Variants in INHBC observed in about 807,000 individuals in gnomAD.
The protein encoded by INHBC is inhibin beta C chain.
A neutral mutation model predicts 12.4 loss-of-function variants in INHBC; 10 were observed. The observed-to-expected ratio is 0.81, with a 90% CI of 0.50 to 1.37. INHBC has a LOEUF of 1.37. Ranked by LOEUF, INHBC falls within the 40% of genes most tolerant of loss-of-function variation. INHBC has a pLI of 0.00. For synonymous variants in INHBC, 147 were observed against 171.6 expected (o/e 0.86, Z 1.12); for missense variants, 382 against 439.4 (o/e 0.87, Z 1.17).
intron 1 of INHBC, among the ~76,000 whole-genome samples, chr12:57,446,911 G>C (rs1436131923): frequency 6.6e-6 from 1 of 152,126 alleles, no homozygotes; most frequent in Non-Finnish European, 1.5e-5. Flanking sequence ...GGAAGAAGGA[G>C]GGAGTGGTTA....
chr12:57,440,972 C>T (rs1218508683), intron 1 of INHBC, among the ~76,000 whole-genome samples: 1 of 152,104 alleles, frequency 6.6e-6, no homozygotes, highest in Non-Finnish European at 1.5e-5. Context: ...CTTTGGGAGG[C>T]CAGGGTGGGA....
At chr12:57,439,184 G>A (rs531321658) in intron 1 of INHBC, among the ~76,000 whole-genome samples, 78 of 152,204 alleles carry the variant, frequency 5.1e-4, no homozygotes, top group Non-Finnish European at 9.6e-4. Context: ...TACCTCCCAC[G>A]CACTTAACAT....
At chr12:57,440,681 A>G (rs1186667393) in intron 1 of INHBC, among the ~76,000 whole-genome samples, 1 of 152,140 alleles carries the variant, frequency 6.6e-6, no homozygotes, top group Non-Finnish European at 1.5e-5. Context: ...ATCGTAGGCA[A>G]CTAAAATATA....
chr12:57,448,593 A>T (rs1276815423), intron 1 of INHBC, among the ~76,000 whole-genome samples: 1 of 148,040 alleles, frequency 6.8e-6, no homozygotes, highest in African/African-American at 2.5e-5. Flanking sequence ...AAAAAAAATT[A>T]TGTTGCTTGA....
At chr12:57,444,630 A>T (rs1403829932) in intron 1 of INHBC, among the ~76,000 whole-genome samples, 1 of 151,366 alleles carries the variant, frequency 6.6e-6, no homozygotes, top group Non-Finnish European at 1.5e-5. Context: ...AGAGAGATGG[A>T]GGCAGAATTG....
At chr12:57,437,805 A>T (rs12368853) in intron 1 of INHBC, among the ~76,000 whole-genome samples, 15,697 of 102,280 alleles carry the variant, frequency 0.15, 1,131 homozygotes, top group Middle Eastern at 0.34. Flanking sequence ...TGTTTGTTTG[A>T]GATGGAGTCT....
chr12:57,436,884 A>G (rs1323699990), intron 1 of INHBC, among the ~76,000 whole-genome samples: 3 of 149,528 alleles, frequency 2.0e-5, no homozygotes, highest in Non-Finnish European at 3.0e-5. Flanking sequence ...AGCCAGGATG[A>G]TCTCGATCTC....
intron 1 of INHBC, among the ~76,000 whole-genome samples, chr12:57,448,247 C>T (rs1403794209): frequency 2.0e-5 from 3 of 151,926 alleles, no homozygotes; most frequent in Non-Finnish European, 2.9e-5. Context: ...CTGGTCTGGG[C>T]ATACAGATTT....
intron 1 of INHBC, among the ~76,000 whole-genome samples, chr12:57,447,878 A>T (rs1436215596): frequency 9.7e-5 from 7 of 72,330 alleles, no homozygotes; most frequent in African/African-American, 3.0e-4. Context: ...AAAAAAAAAA[A>T]AAAAAAAAAA....
rs764214549 is a variant in INHBC at position 57,449,337 on chromosome 12, G to A, written c.374G>A (p.Gly125Asp). The A allele has an allele frequency of 1.9e-6, 3 of 1,614,060 alleles. No individual in the cohort carries two copies. The highest frequency in any genetic ancestry group is 2.7e-5 in the African/African-American group (2 of 74,920). ...CACTTCTCCTCTGATAGAACTGCTG[G>A]TGACAGGGAGGTCCAGCAGGCCAGT... ...DFHFSSDRTA[G>D]DREVQQASLM... The change falls in exon 2 of 2, where the codon GGT (glycine) becomes GAT (aspartate). Residue 125 changes from glycine to aspartate, a missense_variant. Gly to Asp is a moderately conservative substitution (Grantham distance 94). Transcript: ENST00000309668.
Position 57,449,581 on chromosome 12 carries a change from C to T in INHBC, c.618C>T (p.Ala206=), listed in dbSNP as rs1340547674. ...AGCTGGTACTTGAAGGCCAGGTAGC[C>T]CAGAGCTCAGTCATCCTGGGTGGAG... The part of the protein sequence containing the change: ...TLELVLEGQV[A]QSSVILGGAA... The change falls in exon 2 of 2, where the codon GCC becomes GCT. Residue 206 remains alanine (A), a synonymous_variant. Transcript: ENST00000309668. The T allele has an allele frequency of 1.9e-6, 3 of 1,614,106 alleles. No individual in the cohort carries two copies. In the Admixed American group the frequency reaches 5.0e-5, roughly 27 times the overall value.
In INHBC at chr12:57,449,927, C is replaced by T. The variant is rs770509306; in HGVS notation, c.964C>T (p.Arg322Trp). ...GGGCTCATGCTGTGTACCCACGGCC[C>T]GGCGCCCCCTGTCTCTGCTCTATTA... is the stretch of plus-strand genomic sequence containing the variant. ...GGGSCCVPTA[R>W]RPLSLLYYDR... Residue 322 changes from arginine (R) to tryptophan (W), a missense_variant, in exon 2 of 2, where the codon CGG (arginine) becomes TGG (tryptophan). Coordinates refer to ENST00000309668, the MANE Select transcript of INHBC (RefSeq NM_005538.4). The T allele has an allele frequency of 1.4e-5, 23 of 1,593,600 alleles. No individual in the cohort carries two copies. The highest frequency in any genetic ancestry group is 1.4e-4 in the Admixed American group (8 of 57,524).
Position 57,434,866 on chromosome 12 carries a change from C to T in INHBC, c.-21C>T, listed in dbSNP as rs12826898. Reference sequence around the variant, plus strand: ...CCCTGAGCCCTGAGTCTGTATTGCTCAAGAAGGGCCTTCCCCAGCAATGAC... The same window carrying T: ...CCCTGAGCCCTGAGTCTGTATTGCTTAAGAAGGGCCTTCCCCAGCAATGAC... On this transcript the variant is annotated 5_prime_UTR_variant, in exon 1 of 2. Transcript: ENST00000309668. 2.5e-6 allele frequency: 4 copies of T among 1,592,668 alleles called. No individual in the cohort carries two copies. Among genetic ancestry groups the T allele is most frequent in the Non-Finnish European group, 3.4e-6 (4 of 1,167,716 alleles).
At position 57,447,916 on chromosome 12, in the gene INHBC, TATATATAA is replaced by T. The variant is rs377124265; in HGVS notation, c.314-1359_314-1352del. ...AAATATATATATATATATATATATA[TATATATAA>T]AATATATGTGTGTGTGCTTGTGTTT... On this transcript the variant is annotated intron_variant, in intron 1 of 1. Coordinates refer to ENST00000309668, the MANE Select transcript of INHBC (RefSeq NM_005538.4). Among the ~76,000 whole-genome samples the T allele has an allele frequency of 7.7e-3, 771 of 100,660 alleles. 14 individuals carry two copies. The highest frequency in any genetic ancestry group is 9.4e-3 in the Non-Finnish European group (483 of 51,224). The allele number at this position is 100,660 out of a possible 152,430, so 66.0% of individuals were successfully genotyped here.
chr12:57,449,550 C>G lies in INHBC; in HGVS notation c.587C>G (p.Thr196Ser), dbSNP rs775173563. Residue 196 changes from threonine to serine, a missense_variant, in exon 2 of 2, where the codon ACC (threonine) becomes AGC (serine). Thr to Ser is a moderately conservative substitution (Grantham distance 58). Transcript: ENST00000309668. ...GCTGCCTGCAGCCAGGGGCACCTGA[C>G]CCTGGAGCTGGTACTTGAAGGCCAG... ...AQAACSQGHLTLELVLEGQVA... is the reference protein window; with the variant it reads ...AQAACSQGHLSLELVLEGQVA... 1.2e-6 allele frequency: 2 copies of G among 1,614,212 alleles called. No homozygotes were observed. Among genetic ancestry groups the G allele is most frequent in the Non-Finnish European group, 1.7e-6 (2 of 1,180,042 alleles).
chr12:57,439,405 T>C (rs554273275), intron 1 of INHBC, among the ~76,000 whole-genome samples: 3 of 152,320 alleles, frequency 2.0e-5, no homozygotes, highest in South Asian at 4.1e-4. Context: ...ACCACTGCTC[T>C]CCTGGACTTC....
At chr12:57,438,518 C>T (rs1870396089) in intron 1 of INHBC, among the ~76,000 whole-genome samples, 1 of 152,178 alleles carries the variant, frequency 6.6e-6, no homozygotes, top group African/African-American at 2.4e-5. Flanking sequence ...AATAGTCTAT[C>T]CCAAGTTTCT....
chr12:57,445,713 A>ACC (rs34861543), intron 1 of INHBC, among the ~76,000 whole-genome samples: 3,786 of 115,378 alleles, frequency 0.033, 163 homozygotes, highest in East Asian at 0.063. Flanking sequence ...ACATAGTGAG[A>ACC]CCCCCCGCCC....
chr12:57,447,024 G>A (rs1300107205), intron 1 of INHBC, among the ~76,000 whole-genome samples: 1 of 152,168 alleles, frequency 6.6e-6, no homozygotes, highest in Non-Finnish European at 1.5e-5. Flanking sequence ...TTTCAGTAGA[G>A]TGGAGGGAAT....
Sources: allele counts gnomAD v4.1 joint callset (sites outside exome capture counted in the v4.1 genomes callset), GRCh38; gene constraint gnomAD v4.1.1; transcripts MANE v1.5; gene names NCBI Gene and HGNC (gene_info 2026-07-23, HGNC 2026-07-21).